The following ZNF536 variants were observed in gnomAD, a reference collection of about 807,000 sequenced individuals.
The protein encoded by ZNF536 is zinc finger protein 536.
In ZNF536, 13 loss-of-function variants were observed where a neutral mutation model predicts 84.5. The observed-to-expected ratio is 0.15, with a 90% confidence interval of 0.10 to 0.24. The LOEUF (loss-of-function observed/expected upper bound fraction) is 0.24. Among genes scored for constraint, ZNF536 ranks in the 10% least tolerant of loss-of-function variants. ZNF536 has a pLI of 1.00. For synonymous variants in ZNF536, 811 were observed against 742.5 expected (o/e 1.09, Z -1.50); for missense variants, 1,536 against 1,747.5 (o/e 0.88, Z 2.16).
At chr19:30,609,101 T>C (rs1347623309) in intron 1 of ZNF536, among the ~76,000 whole-genome samples, 1 of 152,232 alleles carries the variant, frequency 6.6e-6, no homozygotes, top group African/African-American at 2.4e-5. Context: ...TATCATTGCA[T>C]TTTCTACTTT....
intron 1 of ZNF536, among the ~76,000 whole-genome samples, chr19:30,236,999 A>G (rs2023573656): frequency 6.6e-6 from 1 of 151,130 alleles, no homozygotes. Context: ...CAGCAACTTG[A>G]TCCTCACGTC....
intron 2 of ZNF536, among the ~76,000 whole-genome samples, chr19:30,528,427 A>G (rs564303284): frequency 6.6e-6 from 1 of 152,206 alleles, no homozygotes; most frequent in East Asian, 1.9e-4. Context: ...CTGTGAGTTA[A>G]TTGGACTCCC....
At chr19:30,584,352 A>G (rs1409225479) in intron 1 of ZNF536, among the ~76,000 whole-genome samples, 10 of 152,180 alleles carry the variant, frequency 6.6e-5, no homozygotes. Context: ...GCGGGAGGAT[A>G]AGGGATCAGT....
chr19:30,666,653 G>A (rs760994448), intron 1 of ZNF536, among the ~76,000 whole-genome samples: 38 of 152,112 alleles, frequency 2.5e-4, no homozygotes, highest in South Asian at 4.1e-4. Flanking sequence ...GGGTAAGGCG[G>A]GAGCTGGAAA....
intron 1 of ZNF536, among the ~76,000 whole-genome samples, chr19:30,645,449 G>A (rs1289638007): frequency 6.6e-6 from 1 of 151,972 alleles, no homozygotes; most frequent in Non-Finnish European, 1.5e-5. Flanking sequence ...TTTTTTGGGG[G>A]GAATCAATGC....
At chr19:30,650,875 A>C (rs1367936381) in intron 1 of ZNF536, among the ~76,000 whole-genome samples, 4 of 152,254 alleles carry the variant, frequency 2.6e-5, no homozygotes, top group Non-Finnish European at 4.4e-5. Context: ...GTTGGAGCAT[A>C]CTGTCAGAGC....
At position 30,261,505 on chromosome 19, in the gene ZNF536, A is replaced by G. The variant is rs192986630; in HGVS notation, c.-189-22567A>G. On this transcript the variant is annotated intron_variant, in intron 1 of 5. Coordinates refer to the ZNF536 transcript ENST00000585628. The stretch of plus-strand genomic sequence containing the variant: ...GCTTGAGCCCTGGAGTTTGAGACCA[A>G]TCTGGGCAATGTAACAAGACTCTGT... 2.4e-3 allele frequency among the ~76,000 whole-genome samples: 370 copies of G among 151,436 alleles called. 2 individuals are homozygous for G. Among genetic ancestry groups the G allele is most frequent in the African/African-American group, 8.6e-3 (355 of 41,322 alleles).
At chr19:30,508,754 C>T (rs560033962) in intron 2 of ZNF536, among the ~76,000 whole-genome samples, 4 of 151,982 alleles carry the variant, frequency 2.6e-5, no homozygotes, top group Non-Finnish European at 5.9e-5. Context: ...ACCATGGTGC[C>T]CTTCCTTAGT....
rs189853885 is a variant in ZNF536, at chr19:30,570,952, A to G, written c.169+21438A>G. Among the ~76,000 whole-genome samples the G allele has an allele frequency of 2.6e-5, 4 of 152,254 alleles. No homozygotes were observed. In the East Asian group the frequency reaches 5.8e-4, roughly 22 times the overall value. ...ACCCTCTTATTTCTGGGAGTTATCA[A>G]AACACATCCTCTGGACAGGTGGTCA... On this transcript the variant is annotated intron_variant, in intron 1 of 1. Coordinates refer to the ZNF536 transcript ENST00000592773.
chr19:30,370,915 A>C (rs924812048), upstream of ZNF536, among the ~76,000 whole-genome samples: 33 of 152,208 alleles, frequency 2.2e-4, 1 homozygote, highest in Non-Finnish European at 1.5e-5. Context: ...CTGGGTACAA[A>C]GGTAGTATGT....
At chr19:30,323,463 G>T (rs1167202765) in intron 2 of ZNF536, among the ~76,000 whole-genome samples, 2 of 152,214 alleles carry the variant, frequency 1.3e-5, no homozygotes, top group African/African-American at 4.8e-5. Context: ...ATTTCTAAGT[G>T]TATGCAGGGA....
chr19:30,314,254 C>A (rs1276930344), intron 2 of ZNF536, among the ~76,000 whole-genome samples: 1 of 152,118 alleles, frequency 6.6e-6, no homozygotes, highest in Non-Finnish European at 1.5e-5. Flanking sequence ...CCATGGTGTC[C>A]CTGGGAATGG....
intron 1 of ZNF536, among the ~76,000 whole-genome samples, chr19:30,681,465 G>A (rs8113192): frequency 0.37 from 56,732 of 151,902 alleles, 10,771 homozygotes; most frequent in Middle Eastern, 0.42. Flanking sequence ...AAATAGGGGC[G>A]TGCCCAGCAG....
At position 30,336,845 on chromosome 19, in the gene ZNF536, A is replaced by G. The variant is rs566000912; in HGVS notation, c.-119-15523A>G. Among the ~76,000 whole-genome samples the G allele has an allele frequency of 2.0e-5, 3 of 152,348 alleles. No homozygotes were observed. The East Asian group carries it at 5.8e-4, about 29-fold the overall frequency. ...GAATGAAATTGCATTTGAGGATGGC[A>G]GCTGATGATGGCGTGTGGTTATGCT... On this transcript the variant is annotated intron_variant, in intron 2 of 5. Coordinates refer to the ZNF536 transcript ENST00000585628.
intron 1 of ZNF536, among the ~76,000 whole-genome samples, chr19:30,648,896 CG>C (rs1568635258): frequency 6.6e-6 from 1 of 152,130 alleles, no homozygotes; most frequent in East Asian, 1.9e-4. Context: ...AAATATCATC[CG>C]GAAGTGCTGA....
chr19:30,448,593 T>C (rs1362843170), intron 2 of ZNF536, among the ~76,000 whole-genome samples: 1 of 152,242 alleles, frequency 6.6e-6, no homozygotes, highest in Non-Finnish European at 1.5e-5. Flanking sequence ...CTTGATTCTT[T>C]TTTTTGTTGA....
intron 2 of ZNF536, among the ~76,000 whole-genome samples, chr19:30,463,060 A>G (rs1340028192): frequency 7.0e-6 from 1 of 142,608 alleles, no homozygotes; most frequent in African/African-American, 2.5e-5. Context: ...CTGTGTTGGA[A>G]TGGGATGGGG....
intron 1 of ZNF536, among the ~76,000 whole-genome samples, chr19:30,247,205 C>T (rs2024328973): frequency 6.6e-6 from 1 of 152,208 alleles, no homozygotes; most frequent in Non-Finnish European, 1.5e-5. Flanking sequence ...CGGTGTGCCC[C>T]CATTGTAGGC....
chr19:30,634,208 T>C (rs1332611691), intron 1 of ZNF536, among the ~76,000 whole-genome samples: 1 of 152,210 alleles, frequency 6.6e-6, no homozygotes, highest in Non-Finnish European at 1.5e-5. Context: ...GGCGCGGTGC[T>C]GGCTTTCTCC....
Sources: gnomAD v4.1 joint callset for allele counts (sites outside exome capture counted in the v4.1 genomes callset) on GRCh38, gnomAD v4.1.1 for gene constraint, MANE v1.5 for transcripts, NCBI Gene and HGNC (gene_info 2026-07-23, HGNC 2026-07-21) for gene names.